ALOX5AP: variants seen among roughly 807,000 people sequenced by gnomAD.
ALOX5AP encodes the protein arachidonate 5-lipoxygenase activating protein.
In ALOX5AP, 9 loss-of-function variants were observed where a neutral mutation model predicts 18.5. The observed-to-expected ratio is 0.49, with a 90% confidence interval of 0.29 to 0.85. The LOEUF (loss-of-function observed/expected upper bound fraction) is 0.85. ALOX5AP is among the 40% of genes least tolerant of loss of function. The pLI is 0.08. For synonymous variants in ALOX5AP, 81 were observed against 78.6 expected (o/e 1.03, Z -0.16); for missense variants, 172 against 202.5 (o/e 0.85, Z 0.91).
chr13:30,724,429 G>A (rs1171963060), intron 1 of ALOX5AP, among the ~76,000 whole-genome samples: 4 of 152,182 alleles, frequency 2.6e-5, no homozygotes, highest in Non-Finnish European at 5.9e-5. Flanking sequence ...AATGAATGTA[G>A]GCTCTGTATA....
At chr13:30,724,673 A>G (rs1951623811) in intron 1 of ALOX5AP, among the ~76,000 whole-genome samples, 1 of 152,206 alleles carries the variant, frequency 6.6e-6, no homozygotes, top group Admixed American at 6.5e-5. Context: ...TCTAGCTACT[A>G]TCAATAATAA....
intron 4 of ALOX5AP, among the ~76,000 whole-genome samples, chr13:30,763,084 G>A (rs1951956132): frequency 1.3e-5 from 2 of 152,204 alleles, no homozygotes; most frequent in Non-Finnish European, 2.9e-5. Flanking sequence ...GAGGTGAGTG[G>A]ATTGCCTGAG....
At chr13:30,758,592 C>T (rs1269185179) in intron 4 of ALOX5AP, among the ~76,000 whole-genome samples, 3 of 152,132 alleles carry the variant, frequency 2.0e-5, no homozygotes, top group African/African-American at 7.2e-5. Flanking sequence ...TCAGGCTGCC[C>T]TGCGAGGATT....
chr13:30,718,888 C>T (rs1173759839), intron 1 of ALOX5AP, among the ~76,000 whole-genome samples: 1 of 152,240 alleles, frequency 6.6e-6, no homozygotes, highest in East Asian at 1.9e-4. Flanking sequence ...TGGGCACATG[C>T]CTTACAGTCT....
intron 3 of ALOX5AP, among the ~76,000 whole-genome samples, chr13:30,752,645 T>C (rs1254154101): frequency 1.3e-5 from 2 of 152,200 alleles, no homozygotes; most frequent in Admixed American, 6.5e-5. Context: ...TGATTTAACA[T>C]TGAGTGGAAA....
chr13:30,748,655 G>A (rs537724791), intron 2 of ALOX5AP, among the ~76,000 whole-genome samples: 3 of 152,322 alleles, frequency 2.0e-5, no homozygotes, highest in South Asian at 4.1e-4. Context: ...TCCACTGGGG[G>A]TTAAGAAGGA....
upstream of ALOX5AP, among the ~76,000 whole-genome samples, chr13:30,731,649 G>A (rs1951681539): frequency 6.6e-6 from 1 of 152,176 alleles, no homozygotes; most frequent in African/African-American, 2.4e-5. Context: ...GACTATAGGC[G>A]TGAGCCACGG....
chr13:30,754,688 C>G (rs1370021699), intron 3 of ALOX5AP, among the ~76,000 whole-genome samples: 1 of 152,196 alleles, frequency 6.6e-6, no homozygotes, highest in Non-Finnish European at 1.5e-5. Context: ...CTTCAAATTC[C>G]ACGCCTTCAC....
chr13:30,755,822 C>A, intron 3 of ALOX5AP, 122 bp from the exon 4 acceptor site: 1 of 914,088 alleles, frequency 1.1e-6, no homozygotes, highest in Non-Finnish European at 1.8e-6. Flanking sequence ...CCCTTGGGCT[C>A]TTTTCCTGAA....
intron 1 of ALOX5AP, among the ~76,000 whole-genome samples, chr13:30,730,008 T>C (rs778310075): frequency 1.9e-4 from 29 of 152,258 alleles, no homozygotes; most frequent in Non-Finnish European, 2.6e-4. Flanking sequence ...GGAAGAAGTT[T>C]TGCGGATACT....
At chr13:30,749,297 G>A (rs928576440) in intron 2 of ALOX5AP, among the ~76,000 whole-genome samples, 2 of 152,078 alleles carry the variant, frequency 1.3e-5, no homozygotes, top group South Asian at 2.1e-4. Flanking sequence ...AGACAAAATC[G>A]CTACTTAAAA....
intron 1 of ALOX5AP, among the ~76,000 whole-genome samples, chr13:30,721,048 A>T (rs1225158942): frequency 6.6e-6 from 1 of 152,184 alleles, no homozygotes; most frequent in Non-Finnish European, 1.5e-5. Flanking sequence ...CATGGGGGAA[A>T]TGGAGCTTGT....
At chr13:30,763,869 G>T in intron 4 of ALOX5AP, 75 bp from the exon 5 acceptor site, 1 of 1,394,634 alleles carries the variant, frequency 7.2e-7, no homozygotes, top group South Asian at 1.3e-5. Flanking sequence ...TATCTAAAAG[G>T]GGTAACATTT....
upstream of ALOX5AP, among the ~76,000 whole-genome samples, chr13:30,733,871 C>T (rs1043257328): frequency 2.6e-5 from 4 of 151,312 alleles, no homozygotes; most frequent in Admixed American, 6.6e-5. Context: ...GGTCTTGCAC[C>T]ATTGCCCTCC....
intron 1 of ALOX5AP, among the ~76,000 whole-genome samples, chr13:30,738,814 T>C (rs1029977405): frequency 6.6e-6 from 1 of 152,160 alleles, no homozygotes; most frequent in Non-Finnish European, 1.5e-5. Flanking sequence ...CAGCGGCCTC[T>C]TTCCCCCAAG....
At chr13:30,714,618 G>A (rs1048556581) in intron 1 of ALOX5AP, among the ~76,000 whole-genome samples, 1 of 150,730 alleles carries the variant, frequency 6.6e-6, no homozygotes, top group East Asian at 2.0e-4. Context: ...GGGAGTTCTT[G>A]AGCCAGGACC....
intron 2 of ALOX5AP, 91 bp downstream of exon 2, chr13:30,744,250 C>T: frequency 5.2e-6 from 6 of 1,162,026 alleles, no homozygotes; most frequent in Non-Finnish European, 6.3e-6. Flanking sequence ...TACCACATGT[C>T]TGTCTGAGCC....
intron 2 of ALOX5AP, among the ~76,000 whole-genome samples, chr13:30,750,731 C>T (rs1951845578): frequency 1.3e-5 from 2 of 152,220 alleles, no homozygotes; most frequent in Admixed American, 1.3e-4. Flanking sequence ...ATTCAGGCAG[C>T]TAGCCAGTTG....
intron 2 of ALOX5AP, 146 bp from the exon 3 acceptor site, chr13:30,751,906 A>T (rs1951855049): frequency 1.3e-6 from 1 of 746,166 alleles, no homozygotes; most frequent in African/African-American, 1.8e-5. Context: ...GCCCCATCTT[A>T]TTGGGTAGAT....
Sources: allele counts gnomAD v4.1 joint callset (sites outside exome capture counted in the v4.1 genomes callset), GRCh38; gene constraint gnomAD v4.1.1; transcripts MANE v1.5; gene names NCBI Gene and HGNC (gene_info 2026-07-23, HGNC 2026-07-21).